The following RNF139 variants were observed in gnomAD, a reference collection of about 807,000 sequenced individuals.
The protein encoded by RNF139 is E3 ubiquitin-protein ligase RNF139.
A neutral mutation model predicts 49.5 loss-of-function variants in RNF139; 15 were observed. That is an observed-to-expected ratio of 0.30 (90% CI 0.20 to 0.47). RNF139 has a LOEUF of 0.47. Among genes scored for constraint, RNF139 ranks in the 20% least tolerant of loss-of-function variants. The pLI is 1.00. For missense variants in RNF139, 619 were observed against 806.3 expected (o/e 0.77, Z 2.81); for synonymous variants, 325 against 300.9 (o/e 1.08, Z -0.83).
chr8:124,475,528 G>A (rs1816299827), intron 1 of RNF139, among the ~76,000 whole-genome samples: 1 of 152,242 alleles, frequency 6.6e-6, no homozygotes, highest in Non-Finnish European at 1.5e-5. Flanking sequence ...GAGGTGGGGA[G>A]AAAGTAAGGA....
intron 1 of RNF139, among the ~76,000 whole-genome samples, chr8:124,480,970 ACT>A (rs1436115307): frequency 6.6e-6 from 1 of 152,092 alleles, no homozygotes; most frequent in Non-Finnish European, 1.5e-5. Flanking sequence ...ACTTGCTTTA[ACT>A]CTTCATTTAA....
Position 124,475,299 on chromosome 8 carries a change from A to G in RNF139, c.181+9A>G, listed in dbSNP as rs1453631711. ...CTTCCTCCGGCTCTTTGGTAAGGGAACAGGGTACCGTACGTCCCGGGACGG... is the reference window on the plus strand; with the variant it reads ...CTTCCTCCGGCTCTTTGGTAAGGGAGCAGGGTACCGTACGTCCCGGGACGG... On this transcript the variant is annotated intron_variant, in intron 1 of 1. Coordinates refer to ENST00000303545, the MANE Select transcript of RNF139 (RefSeq NM_007218.4). The G allele has an allele frequency of 1.9e-6, 3 of 1,610,972 alleles. No individual in the cohort carries two copies. In the African/African-American group the frequency reaches 4.0e-5, roughly 22 times the overall value.
Position 124,486,314 on chromosome 8 carries a change from A to G in RNF139, c.665A>G (p.Gln222Arg). 2 of 1,614,148 alleles carry G rather than the reference A, an allele frequency of 1.2e-6. No individual in the cohort carries two copies. The highest frequency in any genetic ancestry group is 1.7e-6 in the Non-Finnish European group (2 of 1,180,024). ...VRHMYRIYGLQLLMEDTWKRI... is the reference protein window; with the variant it reads ...VRHMYRIYGLRLLMEDTWKRI... ...CACATGTATCGAATTTACGGATTAC[A>G]GTTATTGATGGAGGACACATGGAAG... Residue 222 changes from glutamine (Q) to arginine (R), a missense_variant, in exon 2 of 2, where the codon CAG becomes CGG. Transcript: ENST00000303545.
In RNF139 at chr8:124,475,014, G is replaced by T. The variant is rs1816283265; in HGVS notation, c.-96G>T. The T allele has an allele frequency of 1.4e-6, 1 of 731,604 alleles. No individual in the cohort carries two copies. Among genetic ancestry groups the T allele is most frequent in the Non-Finnish European group, 1.9e-6 (1 of 540,368 alleles). 45.3% of individuals were successfully genotyped at this position (731,604 alleles called of 1,614,324 possible). On this transcript the variant is annotated 5_prime_UTR_variant, in exon 1 of 2. Coordinates refer to ENST00000303545, the MANE Select transcript of RNF139 (RefSeq NM_007218.4). Reference sequence around the variant, plus strand: ...CAGGAGAGGAAGGAGGGCAGGGGCGGAGTTGCCCGCCTTAGCCCCCGCCCC... The same window carrying T: ...CAGGAGAGGAAGGAGGGCAGGGGCGTAGTTGCCCGCCTTAGCCCCCGCCCC...
In RNF139 at chr8:124,486,716, T is replaced by C. The variant is rs1485744254; in HGVS notation, c.1067T>C (p.Met356Thr). ...EERLIRLSRNMCLLLTAVLHF... is the reference protein window; with the variant it reads ...EERLIRLSRNTCLLLTAVLHF... ...AGACTTATTCGCTTAAGTAGAAACA[T>C]GTGCCTTTTATTAACTGCAGTCCTG... Residue 356 changes from methionine (M) to threonine (T), a missense_variant, in exon 2 of 2, where the codon ATG (methionine) becomes ACG (threonine). By Grantham distance (81) the Met-to-Thr change is moderately conservative. Coordinates refer to ENST00000303545, the MANE Select transcript of RNF139 (RefSeq NM_007218.4). 1.2e-6 allele frequency: 2 copies of C among 1,613,980 alleles called. No individual in the cohort carries two copies.
At chr8:124,481,580 T>G (rs1378624610) in intron 1 of RNF139, among the ~76,000 whole-genome samples, 1 of 152,148 alleles carries the variant, frequency 6.6e-6, no homozygotes, top group African/African-American at 2.4e-5. Context: ...CTGAATTGAT[T>G]TGGATACCTG....
intron 1 of RNF139, among the ~76,000 whole-genome samples, chr8:124,477,459 T>G (rs1021343688): frequency 2.0e-5 from 3 of 152,198 alleles, no homozygotes; most frequent in African/African-American, 7.2e-5. Context: ...TTACCACTTG[T>G]CAACCTCACT....
In RNF139 at chr8:124,487,516, G is replaced by A. The variant is rs765768160; in HGVS notation, c.1867G>A (p.Ala623Thr). The change falls in exon 2 of 2, where the codon GCT (alanine) becomes ACT (threonine). Residue 623 changes from alanine to threonine, a missense_variant. Ala to Thr is a moderately conservative substitution (Grantham distance 58). Around this residue, in one of 2 missense-constraint regions of RNF139, gnomAD observed 530 missense variants for 728.9 expected, o/e 0.73. Coordinates refer to ENST00000303545, the MANE Select transcript of RNF139 (RefSeq NM_007218.4). Reference protein sequence around the residue: ...TPEEAVREAAAESDRELNEDD... With the variant: ...TPEEAVREAATESDRELNEDD... ...AGAGGAAGCTGTAAGAGAAGCTGCT[G>A]CTGAATCTGACAGGGAATTGAACGA... 6.2e-7 allele frequency: 1 copy of A among 1,614,108 alleles called. No individual in the cohort carries two copies. Among genetic ancestry groups the A allele is most frequent in the South Asian group, 1.1e-5 (1 of 91,086 alleles).
chr8:124,487,354 G>A lies in RNF139; in HGVS notation c.1705G>A (p.Ala569Thr). ...TACACCGTGTAATCATTATTTCCAT[G>A]CACTTTGCCTTCGGAAATGGCTGTA... is the stretch of plus-strand genomic sequence containing the variant. Reference protein sequence around the residue: ...RITPCNHYFHALCLRKWLYIQ... With the variant: ...RITPCNHYFHTLCLRKWLYIQ... Residue 569 changes from alanine (A) to threonine (T), a missense_variant, in exon 2 of 2, where the codon GCA (alanine) becomes ACA (threonine). Transcript: ENST00000303545. 2 of 1,614,082 alleles carry A rather than the reference G, an allele frequency of 1.2e-6. No individual in the cohort carries two copies. The highest frequency in any genetic ancestry group is 1.7e-6 in the Non-Finnish European group (2 of 1,179,974).
At chr8:124,480,778 T>C (rs1816394459) in intron 1 of RNF139, among the ~76,000 whole-genome samples, 1 of 152,166 alleles carries the variant, frequency 6.6e-6, no homozygotes, top group Admixed American at 6.5e-5. Context: ...TTCCCCTGGC[T>C]ACCTAGCCCC....
chr8:124,476,265 A>G (rs1816312475), intron 1 of RNF139, among the ~76,000 whole-genome samples: 1 of 152,230 alleles, frequency 6.6e-6, no homozygotes. Flanking sequence ...GTTCTTAGCA[A>G]TAAATAGCCA....
intron 1 of RNF139, among the ~76,000 whole-genome samples, chr8:124,476,688 G>A (rs531847600): frequency 1.3e-5 from 2 of 152,098 alleles, no homozygotes; most frequent in Non-Finnish European, 2.9e-5. Context: ...TTAAAAACTG[G>A]GCTCTGTTTG....
chr8:124,478,604 TC>T (rs1205955701), intron 1 of RNF139, among the ~76,000 whole-genome samples: 5 of 109,214 alleles, frequency 4.6e-5, no homozygotes, highest in Non-Finnish European at 8.0e-5. Flanking sequence ...CGAGACTGTC[TC>T]AAAAAAAAAA....
intron 1 of RNF139, among the ~76,000 whole-genome samples, chr8:124,485,069 A>C (rs1205255859): frequency 6.6e-6 from 1 of 152,070 alleles, no homozygotes; most frequent in Non-Finnish European, 1.5e-5. Context: ...CCTTTAAAAA[A>C]AAATCTAAAA....
At chr8:124,480,749 C>T (rs1816394050) in intron 1 of RNF139, among the ~76,000 whole-genome samples, 1 of 152,100 alleles carries the variant, frequency 6.6e-6, no homozygotes, top group Admixed American at 6.5e-5. Flanking sequence ...AAAGTTATAA[C>T]CCTTAATCAC....
Position 124,475,019 on chromosome 8 carries a change from G to GCCCACCTTAGCC in RNF139, c.-88_-87insACCTTAGCCCCC. On this transcript the variant is annotated 5_prime_UTR_variant, in exon 1 of 2. Transcript: ENST00000303545. The stretch of plus-strand genomic sequence containing the variant: ...GAGGAAGGAGGGCAGGGGCGGAGTT[G>GCCCACCTTAGCC]CCCGCCTTAGCCCCCGCCCCCGGCC... 1 of 816,398 alleles carries GCCCACCTTAGCC rather than the reference G, an allele frequency of 1.2e-6. No individual in the cohort carries two copies. The highest frequency in any genetic ancestry group is 1.6e-6 in the Non-Finnish European group (1 of 617,288). The allele number at this position is 816,398 out of a possible 1,614,324, so 50.6% of individuals were successfully genotyped here.
At chr8:124,484,609 T>C (rs1816499010) in intron 1 of RNF139, among the ~76,000 whole-genome samples, 1 of 152,120 alleles carries the variant, frequency 6.6e-6, no homozygotes, top group African/African-American at 2.4e-5. Context: ...ACTTTGGAGA[T>C]TTGCAGTTGT....
rs200926280 is a variant in RNF139, at chr8:124,487,038, C to T, written c.1389C>T (p.Tyr463=). 3.0e-4 allele frequency: 483 copies of T among 1,613,878 alleles called. No individual in the cohort carries two copies. The highest frequency in any genetic ancestry group is 4.0e-4 in the East Asian group (18 of 44,882). The change falls in exon 2 of 2, where the codon TAC becomes TAT. Residue 463 remains tyrosine, a synonymous_variant. Coordinates refer to ENST00000303545, the MANE Select transcript of RNF139 (RefSeq NM_007218.4). ...AAAAGCTTGACGATTATGTCTACTACGTTCGTTCAACAGGCAGTATTATTG... is the reference window on the plus strand; with the variant it reads ...AAAAGCTTGACGATTATGTCTACTATGTTCGTTCAACAGGCAGTATTATTG... ...LWEKLDDYVY[Y]VRSTGSIIEF...
chr8:124,485,786 C>A, intron 1 of RNF139, 45 bp from the exon 2 acceptor site: 2 of 1,458,066 alleles, frequency 1.4e-6, no homozygotes, highest in South Asian at 1.3e-5. Context: ...GGGAAACATT[C>A]TTACAAATAC....
Sources: gnomAD v4.1 joint callset for allele counts (sites outside exome capture counted in the v4.1 genomes callset) on GRCh38, gnomAD v4.1.1 for gene constraint, gnomAD v4.1.1 regional missense constraint, MANE v1.5 for transcripts, NCBI Gene and HGNC (gene_info 2026-07-23, HGNC 2026-07-21) for gene names.